The following SLC24A5 variants were observed in gnomAD, a reference collection of about 807,000 sequenced individuals.
SLC24A5 encodes solute carrier family 24 member 5.
SLC24A5 carries 46 observed loss-of-function variants against 51.6 expected under a neutral mutation model. That is an observed-to-expected ratio of 0.89 (90% CI 0.70 to 1.14). SLC24A5 has a LOEUF of 1.14. SLC24A5 is among the 50% of genes most tolerant of loss of function. The pLI is 0.00. For synonymous variants in SLC24A5, 230 were observed against 214.9 expected (o/e 1.07, Z -0.62); for missense variants, 581 against 604.1 (o/e 0.96, Z 0.40).
At chr15:48,127,192 G>C (rs532212428) in intron 2 of SLC24A5, among the ~76,000 whole-genome samples, 27 of 152,252 alleles carry the variant, frequency 1.8e-4, no homozygotes, top group African/African-American at 6.3e-4. Flanking sequence ...TGTGTGACAA[G>C]TGCACGAAGA....
chr15:48,136,869 T>C lies in SLC24A5; in HGVS notation c.777T>C (p.Arg259=). 4 of 1,613,906 alleles carry C rather than the reference T, an allele frequency of 2.5e-6. No individual in the cohort carries two copies. Among genetic ancestry groups the C allele is most frequent in the Non-Finnish European group, 3.4e-6 (4 of 1,179,836 alleles). ...GWEDEGQPFI[R]RQSRTDSGIF... ...AAGATGAAGGTCAACCATTCATTCG[T>C]CGGCAATCAAGAACTGATAGTGGAA... The change falls in exon 6 of 9, where the codon CGT becomes CGC. Residue 259 remains arginine, a synonymous_variant. Transcript: ENST00000341459.
intron 7 of SLC24A5, chr15:48,139,759 C>T (rs113679463): frequency 6.6e-6 from 1 of 152,010 alleles, no homozygotes; most frequent in African/African-American, 2.4e-5. Context: ...AGTCCCTAAA[C>T]AAAAAAACTA....
chr15:48,124,046 G>A (rs184288877), intron 2 of SLC24A5: 1 of 151,756 alleles, frequency 6.6e-6, no homozygotes, highest in Non-Finnish European at 1.5e-5. Flanking sequence ...CCTTTTTCTA[G>A]TATTACTTCA....
At chr15:48,140,148 T>A (rs2039017197) in intron 7 of SLC24A5, 1 of 151,880 alleles carries the variant, frequency 6.6e-6, no homozygotes, top group African/African-American at 2.4e-5. Context: ...TCTATCCAAA[T>A]TCACTCAGCC....
chr15:48,137,165 C>T, intron 6 of SLC24A5: 1 of 529,776 alleles, frequency 1.9e-6, no homozygotes, highest in Non-Finnish European at 3.2e-6. Flanking sequence ...ACGTTAAGTA[C>T]CATAAAAAGA....
At chr15:48,136,479 ACAG>A (rs1409724221) in intron 5 of SLC24A5, 2 of 420,828 alleles carry the variant, frequency 4.8e-6, no homozygotes, top group Non-Finnish European at 8.1e-6. Flanking sequence ...AAAAAACAAC[ACAG>A]AAGTGTCCAG....
At chr15:48,122,085 A>G in intron 2 of SLC24A5, 49 bp downstream of exon 2, 1 of 1,567,444 alleles carries the variant, frequency 6.4e-7, no homozygotes, top group Non-Finnish European at 8.8e-7. Flanking sequence ...AGTGTGCCAC[A>G]CAGATATGAC....
intron 7 of SLC24A5, chr15:48,139,738 T>G (rs2140760054): frequency 6.6e-6 from 1 of 152,322 alleles, no homozygotes; most frequent in Non-Finnish European, 1.5e-5. Flanking sequence ...TGCTTGGCCA[T>G]AATCCACTAC....
intron 5 of SLC24A5, 95 bp downstream of exon 5, chr15:48,135,079 T>A: frequency 1.1e-6 from 1 of 889,710 alleles, no homozygotes; most frequent in Non-Finnish European, 1.8e-6. Flanking sequence ...TTCAGTCACT[T>A]AATCTGCCAC....
intron 2 of SLC24A5, chr15:48,122,956 A>G (rs2038695161): frequency 6.6e-6 from 1 of 152,132 alleles, no homozygotes; most frequent in South Asian, 2.1e-4. Context: ...CCCCCGACAC[A>G]CACACATTGC....
At chr15:48,122,443 T>G (rs978272773) in intron 2 of SLC24A5, 19 of 254,550 alleles carry the variant, frequency 7.5e-5, no homozygotes, top group Non-Finnish European at 1.3e-4. Context: ...GCTATAACTT[T>G]GATTATAAAA....
rs1567235427 is a variant in SLC24A5 at position 48,142,206 on chromosome 15, T to A, written c.1358T>A (p.Phe453Tyr). 5.8e-5 allele frequency: 94 copies of A among 1,613,768 alleles called. No homozygotes were observed. The highest frequency in any genetic ancestry group is 7.8e-5 in the Non-Finnish European group (92 of 1,179,892). Residue 453 changes from phenylalanine to tyrosine, a missense_variant, in exon 9 of 9, where the codon TTT becomes TAT. By Grantham distance (22) the Phe-to-Tyr change is conservative. Coordinates refer to ENST00000341459, the MANE Select transcript of SLC24A5 (RefSeq NM_205850.3). ...ISLNISIIFL[F>Y]LAVHFNGWKL... Reference sequence around the variant, plus strand: ...CTCAACATTTCAATTATTTTTCTTTTTTTAGCAGTTCACTTCAATGGCTGG... The same window carrying A: ...CTCAACATTTCAATTATTTTTCTTTATTTAGCAGTTCACTTCAATGGCTGG...
Position 48,121,088 on chromosome 15 carries a change from T to C in SLC24A5, c.44T>C (p.Leu15Ser). The change falls in exon 1 of 9, where the codon TTG becomes TCG. Residue 15 changes from leucine to serine, a missense_variant. Coordinates refer to ENST00000341459, the MANE Select transcript of SLC24A5 (RefSeq NM_205850.3). ...CAAACATGGGCGAGAAGGGCTCTGTTGCTCGGCATCCTGTGGGCCACTGCA... is the reference window on the plus strand; with the variant it reads ...CAAACATGGGCGAGAAGGGCTCTGTCGCTCGGCATCCTGTGGGCCACTGCA... ...GGQTWARRAL[L>S]LGILWATAHL... 1 of 1,613,976 alleles carries C rather than the reference T, an allele frequency of 6.2e-7. No individual in the cohort carries two copies. Among genetic ancestry groups the C allele is most frequent in the African/African-American group, 1.3e-5 (1 of 75,050 alleles).
intron 2 of SLC24A5, among the ~76,000 whole-genome samples, chr15:48,126,039 T>C (rs2038727221): frequency 6.6e-6 from 1 of 152,196 alleles, no homozygotes; most frequent in Non-Finnish European, 1.5e-5. Context: ...CAGAGCCTCT[T>C]GCTGGTGCTC....
Position 48,136,252 on chromosome 15 carries a change from G to C in SLC24A5, c.591-431G>C, listed in dbSNP as rs774813629. 8.9e-4 allele frequency: 135 copies of C among 152,456 alleles called. 2 individuals are homozygous for C. The highest frequency in any genetic ancestry group is 1.6e-4 in the Non-Finnish European group (11 of 68,316). The allele number at this position is 152,456 out of a possible 1,614,324, so 9.4% of individuals were successfully genotyped here. On this transcript the variant is annotated intron_variant, in intron 5 of 8. Coordinates refer to ENST00000341459, the MANE Select transcript of SLC24A5 (RefSeq NM_205850.3). The stretch of plus-strand genomic sequence containing the variant: ...CCTATACCAGAAAACTTGGACAGTT[G>C]AAATAACTTAACAGTTACTATATTA...
At chr15:48,134,733 G>A in intron 4 of SLC24A5, 151 bp from the exon 5 acceptor site, 1 of 750,764 alleles carries the variant, frequency 1.3e-6, no homozygotes, top group African/African-American at 1.8e-5. Context: ...GTCTGTGTAA[G>A]TTAGAACACA....
At chr15:48,123,763 A>C (rs1402738095) in intron 2 of SLC24A5, 1 of 152,152 alleles carries the variant, frequency 6.6e-6, no homozygotes, top group Non-Finnish European at 1.5e-5. Flanking sequence ...ATATATTTGC[A>C]AAAGGCATCC....
intron 2 of SLC24A5, 176 bp downstream of exon 2, chr15:48,122,212 G>A: frequency 1.5e-6 from 1 of 658,990 alleles, no homozygotes; most frequent in Non-Finnish European, 2.7e-6. Flanking sequence ...TCTCTTGGTA[G>A]TTAATGTGAA....
chr15:48,125,300 T>A (rs2038719918), intron 2 of SLC24A5, among the ~76,000 whole-genome samples: 1 of 149,924 alleles, frequency 6.7e-6, no homozygotes, highest in African/African-American at 2.4e-5. Context: ...TTTATATATA[T>A]ATATATGGTT....
Sources: gnomAD v4.1 joint callset for allele counts (sites outside exome capture counted in the v4.1 genomes callset) on GRCh38, gnomAD v4.1.1 for gene constraint, MANE v1.5 for transcripts, NCBI Gene and HGNC (gene_info 2026-07-23, HGNC 2026-07-21) for gene names.